PPARGC1A: variants seen among roughly 807,000 people sequenced by gnomAD.
The protein encoded by PPARGC1A is PPARG coactivator 1 alpha.
PPARGC1A carries 25 observed loss-of-function variants against 88.7 expected under a neutral mutation model. The observed-to-expected ratio is 0.28, with a 90% CI of 0.21 to 0.39. PPARGC1A has a LOEUF of 0.39. PPARGC1A is among the 10% of genes least tolerant of loss of function. The pLI is 1.00. For missense variants in PPARGC1A, 880 were observed against 968.7 expected (o/e 0.91, Z 1.22); for synonymous variants, 363 against 355.6 (o/e 1.02, Z -0.24).
chr4:24,367,738 GTT>G, the PPARGC1A span, among the ~76,000 whole-genome samples: 1 of 152,126 alleles, frequency 6.6e-6, no homozygotes, highest in South Asian at 2.1e-4. Context: ...TGAACATATT[GTT>G]GTTGTTTCTT....
At chr4:24,137,953 A>C in the PPARGC1A span, among the ~76,000 whole-genome samples, 1 of 152,114 alleles carries the variant, frequency 6.6e-6, no homozygotes, top group East Asian at 1.9e-4. Flanking sequence ...CCCTCATCTA[A>C]CATGATCATA....
chr4:23,914,866 T>G, the PPARGC1A span, among the ~76,000 whole-genome samples: 1 of 152,252 alleles, frequency 6.6e-6, no homozygotes, highest in Non-Finnish European at 1.5e-5. Flanking sequence ...CAACAGAAGA[T>G]GCTGATATTA....
the PPARGC1A span, among the ~76,000 whole-genome samples, chr4:24,126,664 T>C: frequency 0.66 from 100,869 of 152,000 alleles, 33,796 homozygotes; most frequent in Non-Finnish European, 0.71. Flanking sequence ...CCATGTGTAT[T>C]AAATGGTCAG....
the PPARGC1A span, among the ~76,000 whole-genome samples, chr4:24,208,682 A>AAATATAT: frequency 9.0e-4 from 121 of 134,976 alleles, 1 homozygote; most frequent in Non-Finnish European, 1.2e-3. Context: ...TCAGAAAAAA[A>AAATATAT]ATATATATAT....
intron 2 of PPARGC1A, among the ~76,000 whole-genome samples, chr4:23,833,526 C>CA (rs1307768628): frequency 6.6e-6 from 1 of 152,218 alleles, no homozygotes; most frequent in Non-Finnish European, 1.5e-5. Context: ...GCAGTACCCA[C>CA]ACTTCCTTTC....
the PPARGC1A span, among the ~76,000 whole-genome samples, chr4:24,119,382 T>TCCTG: frequency 6.6e-6 from 1 of 152,160 alleles, no homozygotes; most frequent in Non-Finnish European, 1.5e-5. Flanking sequence ...GACCTGGTGT[T>TCCTG]AGAAGGCAGG....
the PPARGC1A span, among the ~76,000 whole-genome samples, chr4:24,335,240 T>A: frequency 6.6e-6 from 1 of 152,314 alleles, no homozygotes; most frequent in South Asian, 2.1e-4. Context: ...ACATAGCATG[T>A]CATTGAGTCT....
chr4:24,126,302 C>CACACAG, the PPARGC1A span, among the ~76,000 whole-genome samples: 43 of 150,400 alleles, frequency 2.9e-4, no homozygotes, highest in Middle Eastern at 3.4e-3. Context: ...CACACACACA[C>CACACAG]AGTCATTTTT....
chr4:24,370,633 A>G, the PPARGC1A span, among the ~76,000 whole-genome samples: 1 of 152,118 alleles, frequency 6.6e-6, no homozygotes, highest in African/African-American at 2.4e-5. Context: ...GCCAGCCACA[A>G]GGGAGAATTA....
chr4:24,309,654 C>T, the PPARGC1A span, among the ~76,000 whole-genome samples: 2 of 152,024 alleles, frequency 1.3e-5, no homozygotes, highest in Non-Finnish European at 2.9e-5. Context: ...TGATCATAGC[C>T]CACTGCAGCA....
chr4:24,283,664 A>C, the PPARGC1A span, among the ~76,000 whole-genome samples: 3 of 152,180 alleles, frequency 2.0e-5, no homozygotes, highest in Non-Finnish European at 4.4e-5. Flanking sequence ...GGAATCCTAT[A>C]AAATCAAGGC....
chr4:23,903,791 G>T (rs1226644459), upstream of PPARGC1A, among the ~76,000 whole-genome samples: 1 of 151,876 alleles, frequency 6.6e-6, no homozygotes, highest in Non-Finnish European at 1.5e-5. Flanking sequence ...CCTCCACACT[G>T]ACAAACGAAC....
chr4:24,091,474 G>C, the PPARGC1A span: 1 of 985,386 alleles, frequency 1.0e-6, no homozygotes, highest in Non-Finnish European at 1.2e-6. Flanking sequence ...TTACCTGCCA[G>C]CCTGCTTCTC....
At chr4:24,245,923 G>A in the PPARGC1A span, among the ~76,000 whole-genome samples, 492 of 103,014 alleles carry the variant, frequency 4.8e-3, 2 homozygotes, top group Middle Eastern at 0.011. Context: ...TGAAAGCCAT[G>A]TGCACACACA....
At chr4:24,176,001 C>T in the PPARGC1A span, among the ~76,000 whole-genome samples, 1 of 151,888 alleles carries the variant, frequency 6.6e-6, no homozygotes, top group Non-Finnish European at 1.5e-5. Context: ...ACTAGAAAGA[C>T]AACGAATAAC....
the PPARGC1A span, among the ~76,000 whole-genome samples, chr4:23,999,777 A>G: frequency 6.6e-6 from 1 of 152,076 alleles, no homozygotes; most frequent in Non-Finnish European, 1.5e-5. Context: ...AGAAAAAGGC[A>G]CTCTGTGATG....
the PPARGC1A span, among the ~76,000 whole-genome samples, chr4:24,125,974 C>T: frequency 2.0e-4 from 30 of 152,114 alleles, no homozygotes; most frequent in Non-Finnish European, 3.2e-4. Flanking sequence ...AAACTCCTGG[C>T]GGGCTTTGAA....
At chr4:23,980,997 T>C in the PPARGC1A span, among the ~76,000 whole-genome samples, 1 of 152,068 alleles carries the variant, frequency 6.6e-6, no homozygotes, top group Non-Finnish European at 1.5e-5. Context: ...CATAAGACCT[T>C]CTTCAAGTTT....
chr4:24,245,493 T>C, the PPARGC1A span, among the ~76,000 whole-genome samples: 9 of 152,338 alleles, frequency 5.9e-5, no homozygotes, highest in East Asian at 1.5e-3. Flanking sequence ...ATCTTTTTGA[T>C]TAAGCTGCTG....
Sources: gnomAD v4.1 joint callset for allele counts (sites outside exome capture counted in the v4.1 genomes callset) on GRCh38, gnomAD v4.1.1 for gene constraint, MANE v1.5 for transcripts, NCBI Gene and HGNC (gene_info 2026-07-23, HGNC 2026-07-21) for gene names.